Variants in GK observed in about 807,000 individuals in gnomAD.
GK encodes ATP:glycerol 3-phosphotransferase.
Under a neutral mutation model 56.4 loss-of-function variants are expected in GK, and 9 were observed. The ratio of observed to expected loss-of-function variants is 0.16; its 90% CI spans 0.10 to 0.28. The LOEUF is 0.28. Ranked by LOEUF, GK falls within the 10% of genes least tolerant of loss-of-function variation. GK has a pLI of 1.00. For synonymous variants in GK, 104 were observed against 144.1 expected (o/e 0.72, Z 1.99); for missense variants, 161 against 431.4 (o/e 0.37, Z 5.55).
At chrX:30,689,416 A>G in intron 4 of GK, 1 of 313,535 alleles carries the variant, frequency 3.2e-6, no homozygotes, top group Non-Finnish European at 6.3e-6. Context: ...AGAAAATTCT[A>G]TTTCAACTAA....
At chrX:30,691,456 TC>T (rs1934923815) in intron 5 of GK, among the ~76,000 whole-genome samples, 1 of 105,021 alleles carries the variant, frequency 9.5e-6, no homozygotes, top group Non-Finnish European at 1.9e-5. Flanking sequence ...AAGTCACACT[TC>T]CCAAGGGGTG....
At position 30,656,459 on chromosome X, in the gene GK, A is replaced by C. The variant is rs1459395295; in HGVS notation, c.78+2844A>C. 3.6e-5 allele frequency among the ~76,000 whole-genome samples: 4 copies of C among 111,817 alleles called. No individual in the cohort carries two copies. In the East Asian group the frequency reaches 1.1e-3, roughly 31 times the overall value. ...TTAGCAATATTAGCTTTCTCCCATA[A>C]GGAGAAAAGGCTTTATCTGTGCTCT... On this transcript the variant is annotated intron_variant, in intron 1 of 20. Coordinates refer to ENST00000427190, the MANE Select transcript of GK (RefSeq NM_001205019.2).
intron 9 of GK, among the ~76,000 whole-genome samples, chrX:30,698,054 T>C (rs1038364048): frequency 9.0e-6 from 1 of 111,598 alleles, no homozygotes; most frequent in Admixed American, 9.6e-5. Flanking sequence ...GGCAATTAGA[T>C]AGATACAGTT....
At chrX:30,687,982 G>GTAATTA (rs1182086105) in intron 4 of GK, among the ~76,000 whole-genome samples, 1 of 112,014 alleles carries the variant, frequency 8.9e-6, no homozygotes. Flanking sequence ...TAAAAACACA[G>GTAATTA]TAATTATTAT....
intron 4 of GK, among the ~76,000 whole-genome samples, chrX:30,685,260 T>C (rs1265252278): frequency 9.0e-6 from 1 of 110,631 alleles, no homozygotes; most frequent in Non-Finnish European, 1.9e-5. Flanking sequence ...GCCTCCCGAA[T>C]AGCTGGGACT....
chrX:30,703,542 T>C (rs1471718291), intron 11 of GK, among the ~76,000 whole-genome samples: 1 of 111,616 alleles, frequency 9.0e-6, no homozygotes, highest in Non-Finnish European at 1.9e-5. Context: ...CTGGACCCTG[T>C]GGTTAGGCTT....
chrX:30,718,700 T>C, intron 14 of GK, 84 bp downstream of exon 14: 1 of 587,327 alleles, frequency 1.7e-6, no homozygotes, highest in East Asian at 3.4e-5. Flanking sequence ...ATACTTATGC[T>C]TTGCCCCAAA....
At chrX:30,685,425 G>C (rs1423538126) in intron 4 of GK, among the ~76,000 whole-genome samples, 2 of 112,227 alleles carry the variant, frequency 1.8e-5, no homozygotes, top group South Asian at 3.7e-4. Flanking sequence ...GAACCACCGC[G>C]CCTGGCTAAA....
At chrX:30,694,749 A>G (rs899598419) in intron 6 of GK, among the ~76,000 whole-genome samples, 7 of 111,847 alleles carry the variant, frequency 6.3e-5, no homozygotes, top group African/African-American at 1.9e-4. Context: ...ACTTCAGTGA[A>G]AATGAAGGAT....
intron 4 of GK, among the ~76,000 whole-genome samples, chrX:30,684,503 T>C (rs961421889): frequency 2.7e-5 from 3 of 110,694 alleles, no homozygotes; most frequent in African/African-American, 9.8e-5. Context: ...CCGTCTCTAC[T>C]AAAAATACAA....
intron 1 of GK, among the ~76,000 whole-genome samples, chrX:30,660,792 ATT>A (rs369296212): frequency 6.7e-5 from 6 of 90,148 alleles, no homozygotes; most frequent in African/African-American, 2.4e-4. Context: ...CTGAGAACAG[ATT>A]TTTTTTTTTT....
chrX:30,670,730 A>T (rs768096025), intron 3 of GK, among the ~76,000 whole-genome samples: 1 of 112,116 alleles, frequency 8.9e-6, no homozygotes, highest in Non-Finnish European at 1.9e-5. Flanking sequence ...CACACCTGTA[A>T]TCCCAGCACT....
intron 13 of GK, among the ~76,000 whole-genome samples, chrX:30,717,859 T>C (rs1433991752): frequency 9.0e-6 from 1 of 111,558 alleles, no homozygotes; most frequent in African/African-American, 3.2e-5. Context: ...GTCATAGTCA[T>C]CATTTTATAG....
intron 1 of GK, among the ~76,000 whole-genome samples, chrX:30,661,477 T>C (rs748029332): frequency 9.2e-6 from 1 of 108,783 alleles, no homozygotes; most frequent in African/African-American, 3.3e-5. Context: ...CTGCTCTTCC[T>C]GTCCCAGTCT....
intron 6 of GK, 90 bp downstream of exon 6, chrX:30,694,627 T>C: frequency 1.4e-6 from 1 of 740,033 alleles, no homozygotes; most frequent in Non-Finnish European, 2.1e-6. Flanking sequence ...CAGGTCAGAC[T>C]TTTTAATTAG....
intron 3 of GK, among the ~76,000 whole-genome samples, chrX:30,676,018 T>C (rs896761651): frequency 1.8e-5 from 2 of 112,369 alleles, no homozygotes; most frequent in Non-Finnish European, 3.8e-5. Context: ...CTTGAGCTCC[T>C]GACCTCAGAT....
intron 9 of GK, among the ~76,000 whole-genome samples, chrX:30,699,358 T>C (rs1478194289): frequency 2.0e-4 from 17 of 83,971 alleles, no homozygotes; most frequent in African/African-American, 5.1e-4. Context: ...TATATATATA[T>C]ACACACACAC....
At chrX:30,716,051 T>C (rs1936601350) in intron 13 of GK, among the ~76,000 whole-genome samples, 2 of 111,938 alleles carry the variant, frequency 1.8e-5, no homozygotes, top group Admixed American at 9.5e-5. Flanking sequence ...TATTGCTTTC[T>C]CTTAAAAATA....
chrX:30,724,349 A>G (rs1329372535), intron 19 of GK, among the ~76,000 whole-genome samples, 168 bp downstream of exon 19: 1 of 112,453 alleles, frequency 8.9e-6, no homozygotes, highest in East Asian at 2.8e-4. Context: ...ACAAAATGTA[A>G]ATTATCAGGT....
Sources: allele counts gnomAD v4.1 joint callset (sites outside exome capture counted in the v4.1 genomes callset), GRCh38; gene constraint gnomAD v4.1.1; transcripts MANE v1.5; gene names NCBI Gene and HGNC (gene_info 2026-07-23, HGNC 2026-07-21).